LYPLA2: variants seen among roughly 807,000 people sequenced by gnomAD.
LYPLA2 encodes lysophospholipase 2, also known as acyl-protein thioesterase 2.
Under a neutral mutation model 30.3 loss-of-function variants are expected in LYPLA2, and 7 were observed. The ratio of observed to expected loss-of-function variants is 0.23; its 90% CI spans 0.13 to 0.43. The LOEUF is 0.43. Among genes scored for constraint, LYPLA2 ranks in the 20% least tolerant of loss-of-function variants. LYPLA2 has a pLI of 1.00. For synonymous variants in LYPLA2, 112 were observed against 118.2 expected, an observed-to-expected ratio of 0.95 and a Z score of 0.34; for missense variants, 206 against 307.9, an observed-to-expected ratio of 0.67 and a Z score of 2.48.
rs1168856299 is a variant in LYPLA2, at chr1:23,793,226, A to G, written c.176+10A>G. The G allele has an allele frequency of 1.9e-6, 3 of 1,612,796 alleles. No individual in the cohort carries two copies. Among genetic ancestry groups the G allele is most frequent in the East Asian group, 2.2e-5 (1 of 44,862 alleles). ...ACATCTGTCCCCATGCGTGAGTGTC[A>G]CCCCAGCAAGGGAGGGGCTGAGGCT... On this transcript the variant is annotated intron_variant, in intron 4 of 9. Coordinates refer to ENST00000374514, the MANE Select transcript of LYPLA2 (RefSeq NM_007260.3). This position sits in a 1 kb window ranked among gnomAD's most constrained non-coding sequence, Gnocchi z 6.0.
intron 1 of LYPLA2, 45 bp downstream of exon 1, chr1:23,791,295 C>G (rs901654702): frequency 7.6e-6 from 1 of 130,812 alleles, no homozygotes; most frequent in Non-Finnish European, 1.6e-5. Context: ...AGGGGGAGGT[C>G]GGCCTCGGGA....
At position 23,793,047 on chromosome 1, in the gene LYPLA2, A is replaced by G; in HGVS notation, c.110+8A>G. On this transcript the variant is annotated splice_region_variant and intron_variant, in intron 3 of 9. Coordinates refer to ENST00000374514, the MANE Select transcript of LYPLA2 (RefSeq NM_007260.3). This position sits in a 1 kb window ranked among gnomAD's most constrained non-coding sequence, Gnocchi z 6.0. ...TGGACTTGGAGACACAGGGTAAGTG[A>G]CTGAGGAGGGGTGCTCCTTAAGGAG... The G allele has an allele frequency of 6.2e-7, 1 of 1,613,396 alleles. No individual in the cohort carries two copies. The highest frequency in any genetic ancestry group is 8.5e-7 in the Non-Finnish European group (1 of 1,179,596).
chr1:23,793,851 A>G lies in LYPLA2; in HGVS notation c.225-9A>G. On this transcript the variant is annotated splice_polypyrimidine_tract_variant and intron_variant, in intron 5 of 9. Transcript: ENST00000374514. The surrounding 1 kb of genome is among the most constrained non-coding windows in gnomAD (Gnocchi z 6.0). The stretch of plus-strand genomic sequence containing the variant: ...GTTTTCTATAGCTGCCAGTGCCTCT[A>G]CTCCCAAGGTTTGACCTGATGGGGC... 1.2e-6 allele frequency: 2 copies of G among 1,613,450 alleles called. No individual in the cohort carries two copies. Among genetic ancestry groups the G allele is most frequent in the Non-Finnish European group, 1.7e-6 (2 of 1,179,674 alleles).
chr1:23,794,038 T>C lies in LYPLA2; in HGVS notation c.296-25T>C. Reference sequence around the variant, plus strand: ...ATTGGGCCCCTTGGCAGCTTCCCTCTACCCACTCATGCCCCCTCCCCCAGT... The same window carrying C: ...ATTGGGCCCCTTGGCAGCTTCCCTCCACCCACTCATGCCCCCTCCCCCAGT... On this transcript the variant is annotated intron_variant, in intron 6 of 9. Transcript: ENST00000374514. The surrounding 1 kb of genome is among the most constrained non-coding windows in gnomAD (Gnocchi z 5.9). 6.2e-7 allele frequency: 1 copy of C among 1,609,042 alleles called. No homozygotes were observed. The highest frequency in any genetic ancestry group is 8.5e-7 in the Non-Finnish European group (1 of 1,175,756).
rs1638858677 is a variant in LYPLA2, at chr1:23,793,961, C to G, written c.295+31C>G. 1 of 1,603,086 alleles carries G rather than the reference C, an allele frequency of 6.2e-7. No homozygotes were observed. The highest frequency in any genetic ancestry group is 8.5e-7 in the Non-Finnish European group (1 of 1,169,942). ...ACCCCAGCCCCTCCTCCACATCCTC[C>G]TTCCCCTGCCCCCCAGGAAAGCGCT... On this transcript the variant is annotated intron_variant, in intron 6 of 9. Coordinates refer to ENST00000374514, the MANE Select transcript of LYPLA2 (RefSeq NM_007260.3). This position sits in a 1 kb window ranked among gnomAD's most constrained non-coding sequence, Gnocchi z 6.0.
rs1638888875 is a variant in LYPLA2, at chr1:23,794,633, C to T, written c.645+33C>T. The T allele has an allele frequency of 2.5e-6, 4 of 1,614,012 alleles. No individual in the cohort carries two copies. The highest frequency in any genetic ancestry group is 2.2e-5 in the East Asian group (1 of 44,890). On this transcript the variant is annotated intron_variant, in intron 9 of 9. Coordinates refer to ENST00000374514, the MANE Select transcript of LYPLA2 (RefSeq NM_007260.3). The surrounding 1 kb of genome is among the most constrained non-coding windows in gnomAD (Gnocchi z 5.9). ...GGGGGACCATTTCCCACTCCCACTTCTCTGCCTCCAGCCAGGTGCCTCTCG... is the reference window on the plus strand; with the variant it reads ...GGGGGACCATTTCCCACTCCCACTTTTCTGCCTCCAGCCAGGTGCCTCTCG...
Position 23,793,565 on chromosome 1 carries a change from G to T in LYPLA2, c.177-140G>T, listed in dbSNP as rs962344716. 10 of 844,852 alleles carry T rather than the reference G, an allele frequency of 1.2e-5. No homozygotes were observed. The Admixed American group carries it at 1.9e-4, about 16-fold the overall frequency. 52.3% of individuals were successfully genotyped at this position (844,852 alleles called of 1,614,324 possible). A position where few individuals can be genotyped will look rare whatever the true frequency, so the allele number is the denominator to read the frequency against. On this transcript the variant is annotated intron_variant, in intron 4 of 9. Coordinates refer to ENST00000374514, the MANE Select transcript of LYPLA2 (RefSeq NM_007260.3). This position sits in a 1 kb window ranked among gnomAD's most constrained non-coding sequence, Gnocchi z 6.0. ...CCACAGCCTCCAGCCCCACGTGGCA[G>T]GTTGCCTGGCAACACCTTAAACACA...
chr1:23,792,466 C>A (rs1322425993), intron 1 of LYPLA2, 191 bp from the exon 2 acceptor site: 9 of 568,102 alleles, frequency 1.6e-5, no homozygotes, highest in African/African-American at 3.8e-5. Flanking sequence ...ACTAGGGAGG[C>A]TGTCTCTGCC....
chr1:23,793,905 T>C lies in LYPLA2; in HGVS notation c.270T>C (p.Ala90=). ...GTCCAGATGCCCCAGAGGACGAGGC[T>C]GGCATCAAGAAGGCAGCAGAGAACA... ...GLSPDAPEDE[A]GIKKAAENIK... Residue 90 remains alanine (A), a synonymous_variant, in exon 6 of 10, where the codon GCT becomes GCC. Transcript: ENST00000374514. This position sits in a 1 kb window ranked among gnomAD's most constrained non-coding sequence, Gnocchi z 6.0. The C allele has an allele frequency of 2.5e-6, 4 of 1,614,004 alleles. No homozygotes were observed. Among genetic ancestry groups the C allele is most frequent in the Non-Finnish European group, 2.5e-6 (3 of 1,179,944 alleles).
At position 23,794,256 on chromosome 1, in the gene LYPLA2, C is replaced by G. The variant is rs1468551250; in HGVS notation, c.402C>G (p.Thr134=). Residue 134 remains threonine (T), a synonymous_variant, in exon 8 of 10, where the codon ACC becomes ACG. Coordinates refer to ENST00000374514, the MANE Select transcript of LYPLA2 (RefSeq NM_007260.3). This position sits in a 1 kb window ranked among gnomAD's most constrained non-coding sequence, Gnocchi z 5.9. ...CCCTGTCCCTCTACACGGCCCTCAC[C>G]TGCCCCCACCCTCTGGCTGGCATCG... The part of the protein sequence containing the change: ...GGALSLYTAL[T]CPHPLAGIVA... 1.2e-6 allele frequency: 2 copies of G among 1,612,038 alleles called. No individual in the cohort carries two copies. The highest frequency in any genetic ancestry group is 1.7e-6 in the Non-Finnish European group (2 of 1,179,848).
rs1244156177 is a variant in LYPLA2 at position 23,793,472 on chromosome 1, C to CCTGG, written c.177-233_177-232insCTGG. Among the ~76,000 whole-genome samples the CCTGG allele has an allele frequency of 5.3e-5, 8 of 152,184 alleles. No individual in the cohort carries two copies. Among genetic ancestry groups the CCTGG allele is most frequent in the Middle Eastern group, 3.2e-3 (1 of 316 alleles). ...CTTTGCCCCTTCCCCAAGTACTCAC[C>CCTGG]GACTACCTGGGACCCCGTCACACCA... On this transcript the variant is annotated intron_variant, in intron 4 of 9. Transcript: ENST00000374514. The surrounding 1 kb of genome is among the most constrained non-coding windows in gnomAD (Gnocchi z 6.0).
At position 23,793,005 on chromosome 1, in the gene LYPLA2, C is replaced by T. The variant is rs374787618; in HGVS notation, c.79-3C>T. ...TGTCTCCCCATTTCCCATCCTTTTC[C>T]AGGTTATTTTTTTACATGGACTTGG... On this transcript the variant is annotated splice_polypyrimidine_tract_variant and splice_region_variant and intron_variant, in intron 2 of 9. Transcript: ENST00000374514. This position sits in a 1 kb window ranked among gnomAD's most constrained non-coding sequence, Gnocchi z 6.0. 1 of 1,612,300 alleles carries T rather than the reference C, an allele frequency of 6.2e-7. No homozygotes were observed. The highest frequency in any genetic ancestry group is 1.3e-5 in the African/African-American group (1 of 74,842).
In LYPLA2 at chr1:23,793,855, C is replaced by T; in HGVS notation, c.225-5C>T. The T allele has an allele frequency of 6.2e-7, 1 of 1,613,944 alleles. No individual in the cohort carries two copies. The highest frequency in any genetic ancestry group is 8.5e-7 in the Non-Finnish European group (1 of 1,179,882). On this transcript the variant is annotated splice_polypyrimidine_tract_variant and splice_region_variant and intron_variant, in intron 5 of 9. Transcript: ENST00000374514. The surrounding 1 kb of genome is among the most constrained non-coding windows in gnomAD (Gnocchi z 6.0). ...TCTATAGCTGCCAGTGCCTCTACTCCCAAGGTTTGACCTGATGGGGCTGAG... is the reference window on the plus strand; with the variant it reads ...TCTATAGCTGCCAGTGCCTCTACTCTCAAGGTTTGACCTGATGGGGCTGAG...
chr1:23,794,339 C>T lies in LYPLA2; in HGVS notation c.471+14C>T. The T allele has an allele frequency of 1.9e-6, 3 of 1,601,148 alleles. No homozygotes were observed. Among genetic ancestry groups the T allele is most frequent in the Non-Finnish European group, 2.6e-6 (3 of 1,169,344 alleles). On this transcript the variant is annotated intron_variant, in intron 8 of 9. Coordinates refer to ENST00000374514, the MANE Select transcript of LYPLA2 (RefSeq NM_007260.3). This position sits in a 1 kb window ranked among gnomAD's most constrained non-coding sequence, Gnocchi z 5.9. ...GCCTTCCCCCAGGTGAATGTCCCCA[C>T]TGACCCCCCCGCCCTTTGTGTCTGC...
In LYPLA2 at chr1:23,792,027, T is replaced by A. The variant is rs547036704; in HGVS notation, c.-26-630T>A. On this transcript the variant is annotated intron_variant, in intron 1 of 9. Coordinates refer to ENST00000374514, the MANE Select transcript of LYPLA2 (RefSeq NM_007260.3). The stretch of plus-strand genomic sequence containing the variant: ...GTGGCAGCAGCAGCAGGTAGCTCCG[T>A]TTAGGGGGGGCGTGGAGCACCAGTT... 25 of 21,706 alleles carry A rather than the reference T, an allele frequency of 1.2e-3. No homozygotes were observed. The African/African-American group carries it at 0.014, about 12-fold the overall frequency. The allele number at this position is 21,706 out of a possible 1,614,324, so 1.3% of individuals were successfully genotyped here. A position where few individuals can be genotyped will look rare whatever the true frequency, so the allele number is the denominator to read the frequency against.
At position 23,794,765 on chromosome 1, in the gene LYPLA2, C is replaced by G; in HGVS notation, c.*33C>G. 6.2e-7 allele frequency: 1 copy of G among 1,611,110 alleles called. No homozygotes were observed. Among genetic ancestry groups the G allele is most frequent in the Non-Finnish European group, 8.5e-7 (1 of 1,177,466 alleles). On this transcript the variant is annotated 3_prime_UTR_variant, in exon 10 of 10. Coordinates refer to ENST00000374514, the MANE Select transcript of LYPLA2 (RefSeq NM_007260.3). This position sits in a 1 kb window ranked among gnomAD's most constrained non-coding sequence, Gnocchi z 5.9. Reference sequence around the variant, plus strand: ...CTGGCCCCAGTGCAGTACCCCAGCTCATGGGGGACTCAGCAAGCAAGCGTG... The same window carrying G: ...CTGGCCCCAGTGCAGTACCCCAGCTGATGGGGGACTCAGCAAGCAAGCGTG...
At chr1:23,792,963 C>T (rs372601977) in intron 2 of LYPLA2, 45 bp from the exon 3 acceptor site, 157 of 1,590,716 alleles carry the variant, frequency 9.9e-5, no homozygotes, top group Middle Eastern at 8.4e-4. Context: ...AGTTGGAGGA[C>T]CTAGGGGAAG....
Position 23,795,027 on chromosome 1 carries a change from C to T in LYPLA2, c.*295C>T, listed in dbSNP as rs1054168782. 117 of 621,430 alleles carry T rather than the reference C, an allele frequency of 1.9e-4. 3 individuals are homozygous for T. Among genetic ancestry groups the T allele is most frequent in the East Asian group, 1.5e-3 (45 of 30,668 alleles). 38.5% of individuals were successfully genotyped at this position (621,430 alleles called of 1,614,324 possible). On this transcript the variant is annotated 3_prime_UTR_variant, in exon 10 of 10. Transcript: ENST00000374514. ...AGGCAGCTGGAGAAAGGGGCCCAGCCGCTGACCCACTCACTCAGGACCTCA... is the reference window on the plus strand; with the variant it reads ...AGGCAGCTGGAGAAAGGGGCCCAGCTGCTGACCCACTCACTCAGGACCTCA...
rs747193347 is a variant in LYPLA2, at chr1:23,794,772, GACT to G, written c.*41_*43del. On this transcript the variant is annotated 3_prime_UTR_variant, in exon 10 of 10. Coordinates refer to ENST00000374514, the MANE Select transcript of LYPLA2 (RefSeq NM_007260.3). This position sits in a 1 kb window ranked among gnomAD's most constrained non-coding sequence, Gnocchi z 5.9. ...CAGTGCAGTACCCCAGCTCATGGGG[GACT>G]CAGCAAGCAAGCGTGGCACCATCTT... 1.2e-6 allele frequency: 2 copies of G among 1,607,904 alleles called. No homozygotes were observed. The highest frequency in any genetic ancestry group is 1.7e-6 in the Non-Finnish European group (2 of 1,174,844).
Sources: gnomAD v4.1 joint callset for allele counts (sites outside exome capture counted in the v4.1 genomes callset) on GRCh38, gnomAD v4.1.1 for gene constraint, Gnocchi (gnomAD v3.1) non-coding constraint, MANE v1.5 for transcripts, NCBI Gene and HGNC (gene_info 2026-07-23, HGNC 2026-07-21) for gene names.